Variants in CLGN observed in about 807,000 individuals in gnomAD.
CLGN encodes the protein testis tissue sperm-binding protein Li 79P.
CLGN carries 62 observed loss-of-function variants against 79.1 expected under a neutral mutation model. The observed-to-expected ratio is 0.78, with a 90% CI of 0.64 to 0.97. CLGN has a LOEUF of 0.97. Ranked by LOEUF, CLGN falls within the 50% of genes least tolerant of loss-of-function variation. The probability of loss-of-function intolerance (pLI) is 0.00; values close to 1 mark genes in which losing one functional copy is unlikely to be tolerated. For missense variants in CLGN, 647 were observed against 715.5 expected (o/e 0.90, Z 1.09); for synonymous variants, 225 against 224.7 (o/e 1.00, Z -0.01).
intron 8 of CLGN, among the ~76,000 whole-genome samples, chr4:140,396,891 GTA>G (rs746057984): frequency 7.5e-5 from 4 of 53,662 alleles, no homozygotes; most frequent in African/African-American, 1.3e-4. Context: ...ATATATATAT[GTA>G]TATATATATA....
rs765231096 is a variant in CLGN, at chr4:140,392,376, T to C, written c.1494A>G (p.Lys498=). The change falls in exon 13 of 15, where the codon AAA becomes AAG. Residue 498 remains lysine (K), a splice_region_variant and synonymous_variant. Transcript: ENST00000325617. Reference sequence around the variant, plus strand: ...TTTTATACTCTGTATCTTTATGTTTTTTCTGTGGTAGTTAACATAAGTTAT... The same window carrying C: ...TTTTATACTCTGTATCTTTATGTTTCTTCTGTGGTAGTTAACATAAGTTAT... ...TSFCWPRKVK[K]KHKDTEYKKT... is the part of the protein sequence containing the mutation. The C allele has an allele frequency of 1.3e-6, 2 of 1,586,988 alleles. No homozygotes were observed. The highest frequency in any genetic ancestry group is 4.5e-5 in the East Asian group (2 of 44,704).
intron 8 of CLGN, among the ~76,000 whole-genome samples, chr4:140,397,857 T>A (rs1034539089): frequency 2.6e-5 from 4 of 152,184 alleles, no homozygotes; most frequent in African/African-American, 9.7e-5. Flanking sequence ...TGAACTGAGA[T>A]CACGCCATTG....
chr4:140,420,554 T>A (rs2043160), intron 1 of CLGN, among the ~76,000 whole-genome samples: 91,342 of 150,758 alleles, frequency 0.61, 28,473 homozygotes, highest in Non-Finnish European at 0.7. Flanking sequence ...TTCTTTTTTT[T>A]AAAAAAAAAA....
chr4:140,405,183 T>TA (rs201357198), intron 5 of CLGN, among the ~76,000 whole-genome samples: 10,398 of 91,496 alleles, frequency 0.11, 544 homozygotes, highest in African/African-American at 0.16. Context: ...ATTTTTATTT[T>TA]TTTTTTTATT....
Position 140,398,850 on chromosome 4 carries a change from C to A in CLGN, c.884+1G>T, listed in dbSNP as rs1412456457. On this transcript the variant is annotated splice_donor_variant, in intron 8 of 14. Transcript: ENST00000325617. LOFTEE classifies it high-confidence loss of function. The stretch of plus-strand genomic sequence containing the variant: ...GCTTTGCTACCGAATTATTTGCTTA[C>A]CAGTCTTCTGGTTTGACGGCAGAAG... 1 of 1,613,174 alleles carries A rather than the reference C, an allele frequency of 6.2e-7. No homozygotes were observed. The highest frequency in any genetic ancestry group is 1.1e-5 in the South Asian group (1 of 90,952).
intron 5 of CLGN, among the ~76,000 whole-genome samples, chr4:140,403,506 T>C (rs538607495): frequency 6.6e-6 from 1 of 152,342 alleles, no homozygotes. Context: ...TCATGGAATT[T>C]AAGTATTTGA....
chr4:140,414,248 G>A (rs1176207440), intron 1 of CLGN, among the ~76,000 whole-genome samples: 2 of 152,176 alleles, frequency 1.3e-5, no homozygotes, highest in African/African-American at 2.4e-5. Context: ...CAAAGATGGG[G>A]GGAAAACAGA....
At chr4:140,423,737 A>C (rs896033637) in intron 1 of CLGN, among the ~76,000 whole-genome samples, 2 of 152,148 alleles carry the variant, frequency 1.3e-5, no homozygotes, top group Non-Finnish European at 2.9e-5. Flanking sequence ...CTACTTCTTC[A>C]TGATTAATCT....
chr4:140,421,909 T>C (rs769660602), intron 1 of CLGN, among the ~76,000 whole-genome samples: 5 of 152,174 alleles, frequency 3.3e-5, no homozygotes, highest in Non-Finnish European at 5.9e-5. Context: ...AACAGTTTTA[T>C]AGTTTTCTTA....
chr4:140,390,619 T>G lies in CLGN; in HGVS notation c.1752+9A>C. On this transcript the variant is annotated intron_variant, in intron 14 of 14. Coordinates refer to ENST00000325617, the MANE Select transcript of CLGN (RefSeq NM_004362.3). ...AACTATACATAGAAACCAGCTTATT[T>G]TCTGTTACCTCATCCTCTGACCCAG... is the stretch of plus-strand genomic sequence containing the variant. The G allele has an allele frequency of 6.4e-7, 1 of 1,567,726 alleles. No individual in the cohort carries two copies. The highest frequency in any genetic ancestry group is 8.7e-7 in the Non-Finnish European group (1 of 1,154,716).
rs757535313 is a variant in CLGN, at chr4:140,409,879, C to T, written c.235G>A (p.Ala79Thr). ...GRLAGWVLSKAKKDDMDEEIS... is the reference protein window; with the variant it reads ...GRLAGWVLSKTKKDDMDEEIS... ...TCCTCATCCATGTCATCTTTCTTTG[C>T]TTTTGATAAGACCCATCTGTAAATA... Residue 79 changes from alanine to threonine, a missense_variant, in exon 4 of 15, where the codon GCA (alanine) becomes ACA (threonine). By Grantham distance (58) the Ala-to-Thr change is moderately conservative. Transcript: ENST00000325617. 1 of 1,598,646 alleles carries T rather than the reference C, an allele frequency of 6.3e-7. No homozygotes were observed. The highest frequency in any genetic ancestry group is 8.6e-7 in the Non-Finnish European group (1 of 1,169,456).
At chr4:140,401,721 T>G (rs1320371562) in intron 6 of CLGN, among the ~76,000 whole-genome samples, 1 of 152,148 alleles carries the variant, frequency 6.6e-6, no homozygotes, top group South Asian at 2.1e-4. Context: ...CAAAAGAAAT[T>G]TATAAGTATC....
chr4:140,413,836 G>A (rs970118427), intron 1 of CLGN, among the ~76,000 whole-genome samples: 2 of 152,266 alleles, frequency 1.3e-5, no homozygotes, highest in Middle Eastern at 3.4e-3. Flanking sequence ...CTGGAAGCTC[G>A]AACTGGGCGG....
intron 4 of CLGN, among the ~76,000 whole-genome samples, chr4:140,406,370 T>C (rs1043577759): frequency 3.3e-5 from 5 of 152,234 alleles, no homozygotes; most frequent in African/African-American, 1.2e-4. Context: ...GGTTTTTCTA[T>C]GAAAGAGTTT....
At chr4:140,424,524 T>C (rs946987857) in intron 1 of CLGN, among the ~76,000 whole-genome samples, 4 of 152,218 alleles carry the variant, frequency 2.6e-5, no homozygotes, top group Admixed American at 2.6e-4. Context: ...TTATGTTTAG[T>C]TGGCTTGTGG....
chr4:140,396,811 GC>G (rs1295706993), intron 8 of CLGN, among the ~76,000 whole-genome samples: 2 of 147,824 alleles, frequency 1.4e-5, no homozygotes, highest in African/African-American at 2.5e-5. Context: ...ACCCACCTCA[GC>G]CCCCCAAAGT....
chr4:140,412,954 T>C lies in CLGN; in HGVS notation c.125A>G (p.Glu42Gly). 6.2e-7 allele frequency: 1 copy of C among 1,613,426 alleles called. No individual in the cohort carries two copies. The highest frequency in any genetic ancestry group is 8.5e-7 in the Non-Finnish European group (1 of 1,179,624). ...EENSEEIDVNESELSSEIKYK... is the reference protein window; with the variant it reads ...EENSEEIDVNGSELSSEIKYK... ...CCATACCTCTGAGGAAAGTTCACTT[T>C]CATTAACATCAATTTCTTCTGAATT... The change falls in exon 2 of 15, where the codon GAA becomes GGA. Residue 42 changes from glutamate (E) to glycine (G), a missense_variant. Glu to Gly is a moderately conservative substitution (Grantham distance 98). Transcript: ENST00000325617.
chr4:140,422,662 G>T (rs1729493006), intron 1 of CLGN, among the ~76,000 whole-genome samples: 1 of 152,108 alleles, frequency 6.6e-6, no homozygotes, highest in African/African-American at 2.4e-5. Context: ...TGTTACCCAG[G>T]CTGGAGTGCA....
At chr4:140,415,164 A>G (rs1192143651) in intron 1 of CLGN, among the ~76,000 whole-genome samples, 2 of 152,200 alleles carry the variant, frequency 1.3e-5, no homozygotes, top group Non-Finnish European at 2.9e-5. Flanking sequence ...AGATTTTGTC[A>G]CCACCAGGCC....
Sources: gnomAD v4.1 joint callset for allele counts (sites outside exome capture counted in the v4.1 genomes callset) on GRCh38, gnomAD v4.1.1 for gene constraint, MANE v1.5 for transcripts, NCBI Gene and HGNC (gene_info 2026-07-23, HGNC 2026-07-21) for gene names.